The following ARAP2 variants were observed in gnomAD, a reference collection of about 807,000 sequenced individuals.
ARAP2 encodes ArfGAP with RhoGAP domain, ankyrin repeat and PH domain 2.
ARAP2 carries 148 observed loss-of-function variants against 194.5 expected under a neutral mutation model. That is an observed-to-expected ratio of 0.76 (90% CI 0.67 to 0.87). The LOEUF (loss-of-function observed/expected upper bound fraction) is 0.87. ARAP2 is among the 40% of genes least tolerant of loss of function. ARAP2 has a pLI of 0.00. For missense variants in ARAP2, 2,128 were observed against 1,989.7 expected, an observed-to-expected ratio of 1.07 and a Z score of -1.32; for synonymous variants, 695 against 683.5, an observed-to-expected ratio of 1.02 and a Z score of -0.26.
intron 1 of ARAP2, among the ~76,000 whole-genome samples, chr4:36,239,441 T>C (rs1753082165): frequency 6.6e-6 from 1 of 152,200 alleles, no homozygotes; most frequent in South Asian, 2.1e-4. Flanking sequence ...AATGAAATAC[T>C]AAGCAGCCTT....
At chr4:36,134,498 T>C (rs1053241306) in intron 19 of ARAP2, among the ~76,000 whole-genome samples, 3 of 151,670 alleles carry the variant, frequency 2.0e-5, no homozygotes, top group African/African-American at 7.3e-5. Flanking sequence ...TTCAGGTCAC[T>C]ACAGCCCCTC....
intron 6 of ARAP2, among the ~76,000 whole-genome samples, chr4:36,201,874 C>T (rs1025148037): frequency 3.0e-4 from 46 of 151,998 alleles, no homozygotes; most frequent in African/African-American, 1.0e-3. Flanking sequence ...CCAATGATAC[C>T]AATCTAAGGT....
intron 20 of ARAP2, among the ~76,000 whole-genome samples, chr4:36,131,783 T>C (rs1725512575): frequency 6.6e-6 from 1 of 151,782 alleles, no homozygotes; most frequent in African/African-American, 2.4e-5. Context: ...AAACATAACA[T>C]ATATGTGATT....
intron 29 of ARAP2, 38 bp downstream of exon 29, chr4:36,083,330 T>A (rs1279766830): frequency 1.4e-6 from 2 of 1,429,344 alleles, no homozygotes; most frequent in African/African-American, 2.9e-5. Context: ...ATTTTTCCCA[T>A]AAGTTTTTCC....
chr4:36,127,777 A>G (rs577303907), intron 21 of ARAP2, among the ~76,000 whole-genome samples: 1 of 152,090 alleles, frequency 6.6e-6, no homozygotes, highest in East Asian at 1.9e-4. Flanking sequence ...ATTAATAAAA[A>G]TAAAAATGTC....
chr4:36,125,062 T>C (rs866658092), intron 21 of ARAP2, 95 bp from the exon 22 acceptor site: 2 of 728,014 alleles, frequency 2.7e-6, no homozygotes, highest in Middle Eastern at 2.7e-4. Context: ...CACAAACAAA[T>C]GCATTTTAAT....
At chr4:36,055,193 T>A (rs1723286813) in intron 2 of ARAP2, among the ~76,000 whole-genome samples, 1 of 152,218 alleles carries the variant, frequency 6.6e-6, no homozygotes, top group Non-Finnish European at 1.5e-5. Context: ...TGTCACTGAA[T>A]GAGATTTAGC....
At chr4:36,159,036 A>C (rs1432101062) in intron 14 of ARAP2, among the ~76,000 whole-genome samples, 172 bp from the exon 15 acceptor site, 2 of 152,230 alleles carry the variant, frequency 1.3e-5, no homozygotes, top group Non-Finnish European at 2.9e-5. Context: ...ATAAGCACTT[A>C]AGTCATATTT....
intron 3 of ARAP2, among the ~76,000 whole-genome samples, chr4:36,047,492 T>G (rs1383651805): frequency 6.6e-6 from 1 of 152,204 alleles, no homozygotes; most frequent in Admixed American, 6.5e-5. Flanking sequence ...TATGTAAAAA[T>G]TTTAGATTCA....
intron 15 of ARAP2, among the ~76,000 whole-genome samples, chr4:36,155,103 C>T (rs1045669029): frequency 6.6e-6 from 1 of 152,326 alleles, no homozygotes; most frequent in South Asian, 2.1e-4. Context: ...CACCCATTTA[C>T]ACTAGTAGTA....
chr4:36,068,399 C>G, intron 32 of ARAP2, 121 bp from the exon 33 acceptor site: 2 of 1,090,738 alleles, frequency 1.8e-6, no homozygotes, highest in Non-Finnish European at 2.5e-6. Context: ...TGACTTAGGT[C>G]CTAACTTTAC....
chr4:36,039,382 T>C (rs1411529148), intron 5 of ARAP2, among the ~76,000 whole-genome samples: 1 of 152,228 alleles, frequency 6.6e-6, no homozygotes, highest in African/African-American at 2.4e-5. Context: ...TATAGTTTTC[T>C]CAGGCCCAGC....
chr4:36,236,346 C>T (rs923817081), intron 1 of ARAP2, among the ~76,000 whole-genome samples: 4 of 152,110 alleles, frequency 2.6e-5, no homozygotes, highest in African/African-American at 9.7e-5. Flanking sequence ...CAACTGAAAA[C>T]CATGGGTTAC....
chr4:36,090,025 TAAAG>T (rs1193630107), intron 28 of ARAP2, among the ~76,000 whole-genome samples: 7 of 151,772 alleles, frequency 4.6e-5, no homozygotes, highest in Admixed American at 6.6e-5. Flanking sequence ...GCTTGACTAA[TAAAG>T]AAGAGAGAAT....
At chr4:36,121,463 CA>C (rs1284088632) in intron 22 of ARAP2, 137 bp from the exon 23 acceptor site, 1 of 696,518 alleles carries the variant, frequency 1.4e-6, no homozygotes, top group East Asian at 3.0e-5. Context: ...GACTTAAAAG[CA>C]TATGGTTCTT....
At chr4:36,037,801 A>G (rs1294804232) in intron 5 of ARAP2, among the ~76,000 whole-genome samples, 1 of 152,148 alleles carries the variant, frequency 6.6e-6, no homozygotes, top group African/African-American at 2.4e-5. Flanking sequence ...ATTGCTCTGG[A>G]TTTAAAACCA....
chr4:36,082,847 C>T (rs940607337), intron 29 of ARAP2, among the ~76,000 whole-genome samples: 8 of 152,100 alleles, frequency 5.3e-5, no homozygotes, highest in African/African-American at 7.2e-5. Flanking sequence ...TAAAGAGGCA[C>T]GCAATCTGTA....
At chr4:36,134,323 A>C (rs1726135356) in intron 19 of ARAP2, among the ~76,000 whole-genome samples, 1 of 151,608 alleles carries the variant, frequency 6.6e-6, no homozygotes, top group Non-Finnish European at 1.5e-5. Context: ...TTTTCCACGT[A>C]CCCCACGAGA....
At chr4:36,105,570 AC>A (rs1718173972) in intron 27 of ARAP2, among the ~76,000 whole-genome samples, 1 of 151,856 alleles carries the variant, frequency 6.6e-6, no homozygotes, top group Non-Finnish European at 1.5e-5. Context: ...AAATCTTCCT[AC>A]CCAGTTTGTG....
Sources: allele counts gnomAD v4.1 joint callset (sites outside exome capture counted in the v4.1 genomes callset), GRCh38; gene constraint gnomAD v4.1.1; transcripts MANE v1.5; gene names NCBI Gene and HGNC (gene_info 2026-07-23, HGNC 2026-07-21).